The following INSC variants were observed in gnomAD, a reference collection of about 807,000 sequenced individuals.
INSC encodes protein inscuteable homolog.
A neutral mutation model predicts 58.6 loss-of-function variants in INSC; 67 were observed. The observed-to-expected ratio is 1.14, with a 90% CI of 0.94 to 1.40. INSC has a LOEUF of 1.40. INSC is among the 40% of genes most tolerant of loss of function. The pLI is 0.00. For synonymous variants in INSC, 262 were observed against 276.1 expected, an observed-to-expected ratio of 0.95 and a Z score of 0.51; for missense variants, 714 against 692.0, an observed-to-expected ratio of 1.03 and a Z score of -0.36.
At chr11:15,142,779 G>A (rs1848401314) in intron 1 of INSC, among the ~76,000 whole-genome samples, 1 of 152,114 alleles carries the variant, frequency 6.6e-6, no homozygotes, top group Non-Finnish European at 1.5e-5. Flanking sequence ...GTGGATATTA[G>A]GATGCAGAGC....
intron 9 of INSC, among the ~76,000 whole-genome samples, chr11:15,232,338 A>G (rs115129601): frequency 0.018 from 2,742 of 152,266 alleles, 90 homozygotes; most frequent in African/African-American, 0.063. Context: ...TCCTGCCCAG[A>G]GCGAGCCATA....
At chr11:15,130,929 C>G (rs913463827) in intron 1 of INSC, among the ~76,000 whole-genome samples, 1 of 151,552 alleles carries the variant, frequency 6.6e-6, no homozygotes, top group African/African-American at 2.4e-5. Context: ...TTTTCCAGAT[C>G]TTGCCAGCAG....
chr11:15,190,852 G>C, intron 6 of INSC, 38 bp downstream of exon 6: 1 of 1,419,186 alleles, frequency 7.0e-7, no homozygotes, highest in South Asian at 1.1e-5. Context: ...GGCAGGCCTG[G>C]GGAAGTATGA....
intron 6 of INSC, among the ~76,000 whole-genome samples, chr11:15,199,385 G>A (rs757268985): frequency 2.0e-5 from 3 of 152,166 alleles, no homozygotes; most frequent in Non-Finnish European, 4.4e-5. Flanking sequence ...CCCCTGAAGT[G>A]ACCAGCAGCA....
intron 1 of INSC, among the ~76,000 whole-genome samples, chr11:15,132,230 T>C (rs1330682962): frequency 6.6e-6 from 1 of 152,220 alleles, no homozygotes; most frequent in Non-Finnish European, 1.5e-5. Context: ...TTCTAAATTC[T>C]ATACAATATT....
chr11:15,120,890 C>T (rs1847855990), intron 1 of INSC, among the ~76,000 whole-genome samples: 1 of 151,848 alleles, frequency 6.6e-6, no homozygotes, highest in Non-Finnish European at 1.5e-5. Flanking sequence ...AGAAATCTCT[C>T]TTTATTCATG....
intron 4 of INSC, 87 bp downstream of exon 4, chr11:15,177,250 G>A (rs1849605176): frequency 3.1e-6 from 3 of 959,872 alleles, no homozygotes; most frequent in Admixed American, 1.8e-5. Flanking sequence ...GAGGGAGAAT[G>A]GGAATGGGAG....
chr11:15,227,573 G>C (rs564780100), intron 9 of INSC, among the ~76,000 whole-genome samples: 8 of 152,280 alleles, frequency 5.3e-5, no homozygotes, highest in African/African-American at 1.9e-4. Context: ...TTCCTTTCCA[G>C]TCTGATCTTA....
At chr11:15,268,846 A>G in the INSC span, among the ~76,000 whole-genome samples, 51 of 152,246 alleles carry the variant, frequency 3.3e-4, no homozygotes, top group African/African-American at 1.1e-3. Flanking sequence ...CTGAAGTTTC[A>G]TAAGACTATA....
intron 7 of INSC, among the ~76,000 whole-genome samples, chr11:15,220,776 C>T (rs939829186): frequency 1.3e-5 from 2 of 152,176 alleles, no homozygotes; most frequent in Non-Finnish European, 2.9e-5. Flanking sequence ...CAGATCTGAC[C>T]CGGGCAGAGC....
intron 7 of INSC, among the ~76,000 whole-genome samples, chr11:15,205,213 A>T (rs1173825675): frequency 1.3e-5 from 2 of 152,186 alleles, no homozygotes; most frequent in East Asian, 1.9e-4. Context: ...CTGTTTCTTA[A>T]AAGTAAAATA....
chr11:15,167,204 G>C (rs1382274211), intron 2 of INSC, among the ~76,000 whole-genome samples: 1 of 152,010 alleles, frequency 6.6e-6, no homozygotes, highest in Non-Finnish European at 1.5e-5. Context: ...CAGGCTGGGT[G>C]GGGGTTCTCG....
intron 8 of INSC, among the ~76,000 whole-genome samples, chr11:15,225,369 A>C (rs531000271): frequency 3.9e-5 from 6 of 152,282 alleles, no homozygotes; most frequent in Non-Finnish European, 5.9e-5. Flanking sequence ...TTTGTTCACT[A>C]TGCCATCCCA....
chr11:15,173,507 C>T (rs1849471652), intron 2 of INSC, among the ~76,000 whole-genome samples: 2 of 152,036 alleles, frequency 1.3e-5, no homozygotes, highest in Non-Finnish European at 2.9e-5. Flanking sequence ...TGTGATTCTA[C>T]TTAATATAAA....
chr11:15,116,487 C>T (rs1368418337), intron 1 of INSC, among the ~76,000 whole-genome samples: 1 of 152,158 alleles, frequency 6.6e-6, no homozygotes, highest in Non-Finnish European at 1.5e-5. Flanking sequence ...GAATCTTCTC[C>T]ATGACCTCCT....
chr11:15,166,067 T>C (rs1281183210), intron 2 of INSC, among the ~76,000 whole-genome samples: 1 of 152,208 alleles, frequency 6.6e-6, no homozygotes, highest in Admixed American at 6.5e-5. Flanking sequence ...GTGTCAATAG[T>C]GTTTCATTGA....
At chr11:15,172,189 T>A (rs1276402965) in intron 2 of INSC, among the ~76,000 whole-genome samples, 1 of 152,234 alleles carries the variant, frequency 6.6e-6, no homozygotes, top group Non-Finnish European at 1.5e-5. Flanking sequence ...TGCAAGTGAT[T>A]TGTTCATTTG....
upstream of INSC, chr11:15,112,650 G>GTT (rs1245238152): frequency 1.9e-6 from 1 of 524,758 alleles, no homozygotes; most frequent in African/African-American, 2.1e-5. Context: ...TGGGAAGTGG[G>GTT]GGGGGGGCAT....
intron 7 of INSC, among the ~76,000 whole-genome samples, chr11:15,208,666 G>A (rs1308684953): frequency 1.3e-5 from 2 of 152,210 alleles, no homozygotes; most frequent in Admixed American, 6.5e-5. Context: ...CGGGGACTGC[G>A]CCTTTCCCGC....
Sources: allele counts gnomAD v4.1 joint callset (sites outside exome capture counted in the v4.1 genomes callset), GRCh38; gene constraint gnomAD v4.1.1; transcripts MANE v1.5; gene names NCBI Gene and HGNC (gene_info 2026-07-23, HGNC 2026-07-21).